Variants in ZNF701 observed in about 807,000 individuals in gnomAD.
ZNF701 encodes zinc finger protein 701.
ZNF701 carries 6 observed loss-of-function variants against 7.1 expected under a neutral mutation model. That is an observed-to-expected ratio of 0.84 (90% CI 0.46 to 1.66). The LOEUF (loss-of-function observed/expected upper bound fraction) is 1.66, where lower values mean the gene tolerates loss of function less well. Ranked by LOEUF, ZNF701 falls within the 40% of genes most tolerant of loss-of-function variation. The pLI, the probability that ZNF701 is intolerant of heterozygous loss-of-function variation, is 0.01. For synonymous variants in ZNF701, 166 were observed against 188.2 expected, an observed-to-expected ratio of 0.88 and a Z score of 0.97; for missense variants, 541 against 559.2, an observed-to-expected ratio of 0.97 and a Z score of 0.33.
intron 1 of ZNF701, chr19:52,570,732 C>T (rs2059892277): frequency 6.6e-6 from 1 of 152,276 alleles, no homozygotes; most frequent in East Asian, 1.9e-4. Flanking sequence ...AGTTCTCTGC[C>T]TGGTGCTGGG....
intron 3 of ZNF701, among the ~76,000 whole-genome samples, chr19:52,579,038 GC>G (rs2059957651): frequency 7.0e-6 from 1 of 143,510 alleles, no homozygotes; most frequent in Non-Finnish European, 1.5e-5. Context: ...GAGCCACCGC[GC>G]CCCGCCGTGC....
At chr19:52,576,691 C>T (rs935847176) in intron 3 of ZNF701, among the ~76,000 whole-genome samples, 1 of 148,034 alleles carries the variant, frequency 6.8e-6, no homozygotes, top group African/African-American at 2.7e-5. Flanking sequence ...CAGAAGGAGG[C>T]AGTCAGTGGA....
the ZNF701 span, among the ~76,000 whole-genome samples, chr19:52,599,640 T>C: frequency 6.6e-6 from 1 of 152,206 alleles, no homozygotes; most frequent in South Asian, 2.1e-4. Context: ...TCTCTGTCTT[T>C]CCCTGTGTGT....
In ZNF701 at chr19:52,583,391, C is replaced by T; in HGVS notation, c.1332C>T (p.Gly444=). 2 of 1,613,696 alleles carry T rather than the reference C, an allele frequency of 1.2e-6. No homozygotes were observed. Among genetic ancestry groups the T allele is most frequent in the Non-Finnish European group, 1.7e-6 (2 of 1,179,782 alleles). ...GEKPYKCNEC[G]KVFNRKSNLE... is the part of the protein sequence containing the mutation. ...AACCTTACAAGTGTAATGAATGTGG[C>T]AAGGTTTTTAATCGAAAATCAAACC... is the stretch of plus-strand genomic sequence containing the variant. The change falls in exon 4 of 4, where the codon GGC becomes GGT. Residue 444 remains glycine (G), a synonymous_variant. Transcript: ENST00000391785.
Position 52,583,753 on chromosome 19 carries a change from C to T in ZNF701, c.*296C>T. ...GCCTTTGGTGGTCAGTCAACACTTA[C>T]TCACCATCAAGCAATCCATGGTATA... On this transcript the variant is annotated 3_prime_UTR_variant, in exon 4 of 4. Transcript: ENST00000391785. 1.6e-6 allele frequency: 1 copy of T among 623,154 alleles called. No homozygotes were observed. 38.6% of individuals were successfully genotyped at this position (623,154 alleles called of 1,614,324 possible).
At chr19:52,580,066 C>T (rs2059965333) in intron 3 of ZNF701, among the ~76,000 whole-genome samples, 1 of 141,076 alleles carries the variant, frequency 7.1e-6, no homozygotes, top group South Asian at 2.1e-4. Flanking sequence ...CTCAGCCTCC[C>T]GAGCAGCTGG....
chr19:52,588,513 C>A, downstream of ZNF701: 2 of 284,730 alleles, frequency 7.0e-6, no homozygotes, highest in South Asian at 7.9e-5. Context: ...AATTAAATCT[C>A]ATATTTTTTT....
At chr19:52,572,437 T>G in intron 1 of ZNF701, 1 of 1,269,928 alleles carries the variant, frequency 7.9e-7, no homozygotes, top group South Asian at 1.3e-5. Flanking sequence ...GAGGAAGAAT[T>G]AAATGTTGGG....
the ZNF701 span, among the ~76,000 whole-genome samples, chr19:52,599,503 G>C: frequency 5.9e-5 from 9 of 152,034 alleles, no homozygotes; most frequent in Admixed American, 6.6e-5. Flanking sequence ...AGACCTCCTC[G>C]GATCATTGTC....
At chr19:52,596,580 G>T in the ZNF701 span, 2 of 405,080 alleles carry the variant, frequency 4.9e-6, no homozygotes, top group Non-Finnish European at 9.9e-6. Flanking sequence ...AGCAAACCTT[G>T]CACATCATGG....
intron 3 of ZNF701, among the ~76,000 whole-genome samples, chr19:52,580,054 G>A (rs1300649933): frequency 4.2e-5 from 6 of 141,386 alleles, no homozygotes; most frequent in African/African-American, 1.9e-4. Context: ...CCATTCTCCT[G>A]CCTCAGCCTC....
At chr19:52,595,919 C>G in the ZNF701 span, 1 of 1,612,930 alleles carries the variant, frequency 6.2e-7, no homozygotes, top group Non-Finnish European at 8.5e-7. Context: ...TTCGCATCTG[C>G]CTGAACTCCA....
chr19:52,572,334 T>C (rs2059906604), intron 1 of ZNF701: 1 of 1,279,196 alleles, frequency 7.8e-7, no homozygotes, highest in Non-Finnish European at 1.0e-6. Flanking sequence ...GGATTACAGG[T>C]GTGAGCCACC....
At chr19:52,595,277 C>CTTT in the ZNF701 span, among the ~76,000 whole-genome samples, 12,459 of 147,756 alleles carry the variant, frequency 0.084, 619 homozygotes, top group African/African-American at 0.14. Context: ...ACCATCTGTA[C>CTTT]TTTTTTTTTT....
intron 1 of ZNF701, among the ~76,000 whole-genome samples, chr19:52,573,508 A>G (rs1281590450): frequency 2.0e-5 from 3 of 152,036 alleles, no homozygotes; most frequent in Non-Finnish European, 4.4e-5. Flanking sequence ...GAGTGCTAGT[A>G]TTACAGGCAT....
chr19:52,587,449 C>T (rs1469944756), downstream of ZNF701, among the ~76,000 whole-genome samples: 1 of 152,170 alleles, frequency 6.6e-6, no homozygotes, highest in East Asian at 1.9e-4. Context: ...GCCTAGGACT[C>T]TCTGGCCCCT....
downstream of ZNF701, chr19:52,588,516 A>AT (rs2060024356): frequency 1.7e-5 from 5 of 286,838 alleles, no homozygotes; most frequent in East Asian, 8.6e-5. Flanking sequence ...TAAATCTCAT[A>AT]TTTTTTTACA....
intron 1 of ZNF701, among the ~76,000 whole-genome samples, chr19:52,571,728 TTTTG>T (rs149099911): frequency 7.9e-5 from 12 of 151,936 alleles, no homozygotes; most frequent in African/African-American, 2.7e-4. Flanking sequence ...TTTCCCTGCT[TTTTG>T]TTTGTTTGTT....
the ZNF701 span, chr19:52,597,209 T>G: frequency 1.8e-6 from 1 of 559,444 alleles, no homozygotes; most frequent in Non-Finnish European, 3.6e-6. Flanking sequence ...TCAGTCAAGC[T>G]TCATCCTATG....
Sources: gnomAD v4.1 joint callset for allele counts (sites outside exome capture counted in the v4.1 genomes callset) on GRCh38, gnomAD v4.1.1 for gene constraint, MANE v1.5 for transcripts, NCBI Gene and HGNC (gene_info 2026-07-23, HGNC 2026-07-21) for gene names.